Variants in PLS1 observed in about 807,000 individuals in gnomAD.
PLS1 encodes plastin-1.
A neutral mutation model predicts 73.7 loss-of-function variants in PLS1; 32 were observed. The ratio of observed to expected loss-of-function variants is 0.43; its 90% CI spans 0.33 to 0.58. PLS1 has a LOEUF of 0.58. Among genes scored for constraint, PLS1 ranks in the 20% least tolerant of loss-of-function variants. The pLI is 0.04. For missense variants in PLS1, 633 were observed against 740.5 expected, an observed-to-expected ratio of 0.85 and a Z score of 1.68; for synonymous variants, 217 against 261.3, an observed-to-expected ratio of 0.83 and a Z score of 1.63.
intron 12 of PLS1, chr3:142,698,558 G>A (rs2038260837): frequency 6.6e-6 from 1 of 152,066 alleles, no homozygotes; most frequent in Admixed American, 6.6e-5. Flanking sequence ...AATATTATGA[G>A]TTCTAGGGAA....
intron 1 of PLS1, among the ~76,000 whole-genome samples, chr3:142,614,518 C>G (rs997276596): frequency 6.6e-6 from 1 of 152,176 alleles, no homozygotes; most frequent in Admixed American, 6.5e-5. Flanking sequence ...GCCAGACATT[C>G]TGATTTTAAA....
chr3:142,631,664 GA>G (rs71153981), intron 1 of PLS1, among the ~76,000 whole-genome samples: 2,126 of 39,386 alleles, frequency 0.054, 15 homozygotes, highest in African/African-American at 0.19. Flanking sequence ...CCTGTCTCTA[GA>G]AAAAAAAAAA....
At chr3:142,644,879 G>A (rs556151318) in intron 1 of PLS1, among the ~76,000 whole-genome samples, 1 of 152,320 alleles carries the variant, frequency 6.6e-6, no homozygotes, top group East Asian at 1.9e-4. Context: ...AATTTCCAGA[G>A]TTGGTAGTGG....
At chr3:142,646,237 G>A (rs953589417) in intron 1 of PLS1, among the ~76,000 whole-genome samples, 12 of 152,134 alleles carry the variant, frequency 7.9e-5, no homozygotes, top group Non-Finnish European at 8.8e-5. Flanking sequence ...TTATTAAAGG[G>A]GTAAGGGAAG....
At chr3:142,680,026 CTT>C (rs1441008679) in intron 6 of PLS1, among the ~76,000 whole-genome samples, 10 of 152,064 alleles carry the variant, frequency 6.6e-5, no homozygotes, top group Admixed American at 1.3e-4. Flanking sequence ...ATTTTATTCT[CTT>C]TGAAGCAATT....
intron 10 of PLS1, among the ~76,000 whole-genome samples, chr3:142,690,555 G>T (rs1488109203): frequency 6.6e-6 from 1 of 152,128 alleles, no homozygotes; most frequent in Admixed American, 6.5e-5. Context: ...CTTCTATAAT[G>T]ATGGGATATT....
intron 1 of PLS1, among the ~76,000 whole-genome samples, chr3:142,655,345 CTG>C (rs2037200709): frequency 6.6e-6 from 1 of 152,124 alleles, no homozygotes; most frequent in Non-Finnish European, 1.5e-5. Context: ...CTTGGGAAGA[CTG>C]AAGCAGAAAA....
In PLS1 at chr3:142,596,503, G is replaced by A. The variant is rs1326551621; in HGVS notation, c.-43G>A. 1 of 152,712 alleles carries A rather than the reference G, an allele frequency of 6.5e-6. No individual in the cohort carries two copies. Among genetic ancestry groups the A allele is most frequent in the East Asian group, 1.9e-4 (1 of 5,214 alleles). 9.5% of individuals were successfully genotyped at this position (152,712 alleles called of 1,614,324 possible). A position where few individuals can be genotyped will look rare whatever the true frequency, so the allele number is the denominator to read the frequency against. On this transcript the variant is annotated 5_prime_UTR_variant, in exon 1 of 16. Transcript: ENST00000457734. ...CCCTCTCGAAGGCAGGACAGCGGTG[G>A]CGGCAGGTACGCGGGGGTGGGGATA...
chr3:142,673,005 A>C (rs2140437), intron 4 of PLS1, among the ~76,000 whole-genome samples: 58,710 of 152,060 alleles, frequency 0.39, 12,493 homozygotes, highest in Non-Finnish European at 0.48. Context: ...GTTTCATATA[A>C]ATGGTATCAT....
At chr3:142,621,644 C>G (rs2036317514) in intron 1 of PLS1, among the ~76,000 whole-genome samples, 1 of 152,042 alleles carries the variant, frequency 6.6e-6, no homozygotes, top group Non-Finnish European at 1.5e-5. Flanking sequence ...AACATTTTGG[C>G]CTTGGTTATT....
At position 142,712,200 on chromosome 3, in the gene PLS1, C is replaced by G. The variant is rs1933165431; in HGVS notation, c.*193C>G. On this transcript the variant is annotated 3_prime_UTR_variant, in exon 16 of 16. Coordinates refer to ENST00000457734, the MANE Select transcript of PLS1 (RefSeq NM_001145319.2). Reference sequence around the variant, plus strand: ...TTTTTGGGTAACACAGTTAATTTACCAACTGATACAGATAATAGAATATAT... The same window carrying G: ...TTTTTGGGTAACACAGTTAATTTACGAACTGATACAGATAATAGAATATAT... The G allele has an allele frequency of 4.2e-6, 2 of 475,564 alleles. No homozygotes were observed. The highest frequency in any genetic ancestry group is 7.5e-6 in the Non-Finnish European group (2 of 268,368). The allele number at this position is 475,564 out of a possible 1,614,324, so 29.5% of individuals were successfully genotyped here. A position where few individuals can be genotyped will look rare whatever the true frequency, so the allele number is the denominator to read the frequency against.
chr3:142,649,322 T>G (rs2037028292), intron 1 of PLS1, among the ~76,000 whole-genome samples: 11 of 102,452 alleles, frequency 1.1e-4, no homozygotes, highest in African/African-American at 1.8e-4. Flanking sequence ...GGTAACAGAG[T>G]GAGACCCTAT....
At chr3:142,632,874 C>T (rs928602039) in intron 1 of PLS1, among the ~76,000 whole-genome samples, 3 of 152,176 alleles carry the variant, frequency 2.0e-5, no homozygotes, top group African/African-American at 7.2e-5. Flanking sequence ...GCTGGGATTA[C>T]AGGCATGAGC....
chr3:142,680,159 G>T (rs2037818629), intron 6 of PLS1, among the ~76,000 whole-genome samples: 1 of 152,176 alleles, frequency 6.6e-6, no homozygotes, highest in Non-Finnish European at 1.5e-5. Context: ...AAACTCCTGG[G>T]ATCAAGTGAT....
intron 10 of PLS1, among the ~76,000 whole-genome samples, chr3:142,691,520 T>G (rs1055295971): frequency 6.6e-6 from 1 of 152,190 alleles, no homozygotes; most frequent in African/African-American, 2.4e-5. Flanking sequence ...CTTGCTCGCT[T>G]TCTTATTTTT....
chr3:142,684,201 T>C (rs1193128009), intron 7 of PLS1, 30 bp downstream of exon 7: 2 of 1,613,862 alleles, frequency 1.2e-6, no homozygotes, highest in Non-Finnish European at 1.7e-6. Flanking sequence ...TTGCTGTTCA[T>C]TGACATGTAC....
chr3:142,616,660 T>C (rs962633660), intron 1 of PLS1, among the ~76,000 whole-genome samples: 1 of 152,158 alleles, frequency 6.6e-6, no homozygotes, highest in Admixed American at 6.6e-5. Flanking sequence ...TGAAGTACAG[T>C]GGCACGATCT....
chr3:142,665,681 A>G (rs1462592879), intron 2 of PLS1, among the ~76,000 whole-genome samples: 1 of 152,212 alleles, frequency 6.6e-6, no homozygotes, highest in African/African-American at 2.4e-5. Context: ...AAATAAATGA[A>G]TTAGTAATAT....
intron 2 of PLS1, among the ~76,000 whole-genome samples, chr3:142,666,375 A>G (rs550675066): frequency 6.6e-6 from 1 of 152,356 alleles, no homozygotes; most frequent in East Asian, 1.9e-4. Flanking sequence ...GGTACCTCAC[A>G]TAAGTGGAAT....
Sources: gnomAD v4.1 joint callset for allele counts (sites outside exome capture counted in the v4.1 genomes callset) on GRCh38, gnomAD v4.1.1 for gene constraint, MANE v1.5 for transcripts, NCBI Gene and HGNC (gene_info 2026-07-23, HGNC 2026-07-21) for gene names.